GREB1L: variants seen among roughly 807,000 people sequenced by gnomAD.
GREB1L encodes the protein GREB1 like retinoic acid receptor coactivator, also known as GREB1-like protein.
In GREB1L, 17 loss-of-function variants were observed where a neutral mutation model predicts 200.8. That is an observed-to-expected ratio of 0.08 (90% confidence interval 0.06 to 0.13). GREB1L has a LOEUF of 0.13. Among genes scored for constraint, GREB1L ranks in the 10% least tolerant of loss-of-function variants. The probability of loss-of-function intolerance (pLI) is 1.00; values close to 1 mark genes in which losing one functional copy is unlikely to be tolerated. For synonymous variants in GREB1L, 789 were observed against 893.0 expected, an observed-to-expected ratio of 0.88 and a Z score of 2.08; for missense variants, 1,657 against 2,367.7, an observed-to-expected ratio of 0.70 and a Z score of 6.23.
At chr18:21,244,492 C>T (rs959895889) in intron 1 of GREB1L, among the ~76,000 whole-genome samples, 1 of 152,090 alleles carries the variant, frequency 6.6e-6, no homozygotes, top group African/African-American at 2.4e-5. Flanking sequence ...TTTTGGAAAA[C>T]TTTGTTTCCC....
rs1351477754 is a variant in GREB1L at position 21,430,443 on chromosome 18, A to G, written c.833-9078A>G. Among the ~76,000 whole-genome samples the G allele has an allele frequency of 2.7e-5, 4 of 150,864 alleles. No homozygotes were observed. In the South Asian group the frequency reaches 6.3e-4, roughly 24 times the overall value. On this transcript the variant is annotated intron_variant, in intron 7 of 32. Coordinates refer to ENST00000424526, the MANE Select transcript of GREB1L (RefSeq NM_001142966.3). ...TGTTCATTTCCACTATTGTTTCTCT[A>G]TTCCTTACTTTATTAATTTCTGTTG...
intron 15 of GREB1L, among the ~76,000 whole-genome samples, chr18:21,465,849 A>G (rs1749780448): frequency 6.6e-6 from 1 of 152,158 alleles, no homozygotes; most frequent in African/African-American, 2.4e-5. Flanking sequence ...ACCCACCAAA[A>G]TAAGGAACAT....
At chr18:21,508,087 C>A (rs779021231) in intron 25 of GREB1L, 31 bp from the exon 26 acceptor site, 1 of 1,544,952 alleles carries the variant, frequency 6.5e-7, no homozygotes, top group Non-Finnish European at 8.8e-7. Context: ...GGCTTACTTA[C>A]GTTCCCTCCC....
At chr18:21,388,288 G>A (rs1306165150) in intron 4 of GREB1L, among the ~76,000 whole-genome samples, 1 of 151,996 alleles carries the variant, frequency 6.6e-6, no homozygotes, top group Non-Finnish European at 1.5e-5. Context: ...CTTTAAATTT[G>A]TGAAAATTAA....
rs78094031 is a variant in GREB1L, at chr18:21,413,042, G to T, written c.832+9048G>T. ...TCTCATAGCTGACTTTACTGTCTAA[G>T]AAGGGAGTGGGCAGGAACAACTCTA... On this transcript the variant is annotated intron_variant, in intron 7 of 32. Coordinates refer to ENST00000424526, the MANE Select transcript of GREB1L (RefSeq NM_001142966.3). Among the ~76,000 whole-genome samples, 56 of 152,260 alleles carry T rather than the reference G, an allele frequency of 3.7e-4. 1 individual carries two copies. The East Asian group carries it at 0.01, about 28-fold the overall frequency.
chr18:21,409,146 G>A (rs2030650458), intron 7 of GREB1L, among the ~76,000 whole-genome samples: 1 of 152,152 alleles, frequency 6.6e-6, no homozygotes, highest in South Asian at 2.1e-4. Flanking sequence ...CTTGTGAATG[G>A]CTGGACAAAA....
chr18:21,443,622 C>T lies in GREB1L; in HGVS notation c.1208-602C>T, dbSNP rs1413979147. 2.0e-5 allele frequency among the ~76,000 whole-genome samples: 3 copies of T among 152,312 alleles called. No homozygotes were observed. The East Asian group carries it at 5.8e-4, about 29-fold the overall frequency. On this transcript the variant is annotated intron_variant, in intron 10 of 32. Transcript: ENST00000424526. ...AGAGGATACAGACATGTTTTGCAAA[C>T]TCATCAGTCTTCCAGCAAAATATTA...
At chr18:21,511,026 G>A (rs1264283188) in intron 27 of GREB1L, among the ~76,000 whole-genome samples, 3 of 152,038 alleles carry the variant, frequency 2.0e-5, no homozygotes, top group Non-Finnish European at 4.4e-5. Context: ...AGTTGTAGCA[G>A]TTTTTAAAAA....
chr18:21,402,677 T>C (rs2041369191), intron 6 of GREB1L, among the ~76,000 whole-genome samples: 2 of 151,854 alleles, frequency 1.3e-5, no homozygotes, highest in South Asian at 4.2e-4. Flanking sequence ...TACACACCAC[T>C]GTGCCTGGCT....
chr18:21,485,991 G>T (rs1464723118), intron 18 of GREB1L, among the ~76,000 whole-genome samples: 1 of 152,170 alleles, frequency 6.6e-6, no homozygotes, highest in Non-Finnish European at 1.5e-5. Flanking sequence ...TTCATGCTGA[G>T]TCAGCTCCCG....
At chr18:21,415,278 G>A (rs1279309304) in intron 7 of GREB1L, among the ~76,000 whole-genome samples, 3 of 152,212 alleles carry the variant, frequency 2.0e-5, no homozygotes, top group Non-Finnish European at 2.9e-5. Context: ...CATTTAGGAG[G>A]CTGAGGTGAG....
chr18:21,290,717 A>T (rs2038434243), intron 1 of GREB1L, among the ~76,000 whole-genome samples: 1 of 151,760 alleles, frequency 6.6e-6, no homozygotes, highest in Non-Finnish European at 1.5e-5. Flanking sequence ...CTAGCTACTC[A>T]GGAAGCTGAG....
chr18:21,403,273 C>T (rs1456536737), intron 6 of GREB1L, among the ~76,000 whole-genome samples: 1 of 152,170 alleles, frequency 6.6e-6, no homozygotes, highest in Admixed American at 6.5e-5. Flanking sequence ...TTAATACTGG[C>T]TTACTTAAAA....
chr18:21,401,752 A>G (rs1178407495), intron 6 of GREB1L: 2 of 153,846 alleles, frequency 1.3e-5, no homozygotes, highest in East Asian at 1.9e-4. Context: ...TGTTCTCTTC[A>G]TAATACCTGG....
At chr18:21,338,698 T>A (rs2039223867) in intron 1 of GREB1L, among the ~76,000 whole-genome samples, 2 of 152,322 alleles carry the variant, frequency 1.3e-5, no homozygotes, top group South Asian at 4.1e-4. Context: ...GTTTCTTCAC[T>A]TTTTACCCCA....
intron 10 of GREB1L, among the ~76,000 whole-genome samples, chr18:21,442,882 A>G (rs548216465): frequency 6.6e-6 from 1 of 151,894 alleles, no homozygotes; most frequent in East Asian, 1.9e-4. Flanking sequence ...GAAGTGAAAC[A>G]TGTATTGTCA....
At chr18:21,323,750 A>AT (rs961029780) in intron 1 of GREB1L, among the ~76,000 whole-genome samples, 2 of 151,006 alleles carry the variant, frequency 1.3e-5, no homozygotes, top group Non-Finnish European at 3.0e-5. Context: ...ATCTCTAAAA[A>AT]TTTTTTTTTT....
chr18:21,472,449 A>G (rs1351096068), intron 15 of GREB1L, among the ~76,000 whole-genome samples: 5 of 152,248 alleles, frequency 3.3e-5, no homozygotes, highest in Non-Finnish European at 7.3e-5. Context: ...AGTTCAGTTT[A>G]TTAAGTTGGT....
rs2067265511 is a variant in GREB1L at position 21,441,535 on chromosome 18, T to C, written c.1205T>C (p.Ile402Thr). The change falls in exon 10 of 33, where the codon ATA becomes ACA. Residue 402 changes from isoleucine to threonine, a missense_variant and splice_region_variant. Transcript: ENST00000424526. Reference protein sequence around the residue: ...SNSGVRPVILIGYGTLPYFYG... With the variant: ...SNSGVRPVILTGYGTLPYFYG... ...TCAGGAGTTAGACCAGTAATTCTGA[T>C]AGGTAAGGTAATGGAATTCCAAGTT... 1.3e-6 allele frequency: 2 copies of C among 1,547,416 alleles called. No individual in the cohort carries two copies. Among genetic ancestry groups the C allele is most frequent in the African/African-American group, 1.4e-5 (1 of 72,772 alleles).
Sources: gnomAD v4.1 joint callset for allele counts (sites outside exome capture counted in the v4.1 genomes callset) on GRCh38, gnomAD v4.1.1 for gene constraint, MANE v1.5 for transcripts, NCBI Gene and HGNC (gene_info 2026-07-23, HGNC 2026-07-21) for gene names.